The following PPIB variants were observed in gnomAD, a reference collection of about 807,000 sequenced individuals.
PPIB encodes peptidyl-prolyl cis-trans isomerase B.
A neutral mutation model predicts 20.1 loss-of-function variants in PPIB; 15 were observed. The ratio of observed to expected loss-of-function variants is 0.75; its 90% confidence interval spans 0.50 to 1.15. The LOEUF (loss-of-function observed/expected upper bound fraction) is 1.15, where lower values mean the gene tolerates loss of function less well. Ranked by LOEUF, PPIB falls within the 50% of genes most tolerant of loss-of-function variation. PPIB has a pLI of 0.00. For missense variants in PPIB, 278 were observed against 283.0 expected (o/e 0.98, Z 0.13); for synonymous variants, 129 against 111.0 (o/e 1.16, Z -1.02).
rs751075971 is a variant in PPIB, at chr15:64,156,177, G to A, written c.529-32C>T. 3.7e-6 allele frequency: 6 copies of A among 1,613,212 alleles called. No individual in the cohort carries two copies. In the South Asian group the frequency reaches 6.6e-5, roughly 18 times the overall value. On this transcript the variant is annotated intron_variant, in intron 4 of 4. Transcript: ENST00000300026. This position sits in a 1 kb window ranked among gnomAD's most constrained non-coding sequence, Gnocchi z 6.4. ...AAGAAAGGTGGAAGCAGGAGGGCAT[G>A]GTGGATCAGGAGGTCCACCGCTCAG...
At position 64,162,145 on chromosome 15, in the gene PPIB, C is replaced by G; in HGVS notation, c.145G>C (p.Asp49His). Residue 49 changes from aspartate to histidine, a missense_variant, in exon 2 of 5, where the codon GAC becomes CAC. Coordinates refer to ENST00000300026, the MANE Select transcript of PPIB (RefSeq NM_000942.5). ...GPKVTVKVYF[D>H]LRIGDEDVGR... ...ACATCTTCATCTCCAATTCGTAGGTCAAAATACACCTGAGGAAAGAGACCA... is the reference window on the plus strand; with the variant it reads ...ACATCTTCATCTCCAATTCGTAGGTGAAAATACACCTGAGGAAAGAGACCA... 1.2e-6 allele frequency: 2 copies of G among 1,611,472 alleles called. No homozygotes were observed. The highest frequency in any genetic ancestry group is 1.7e-6 in the Non-Finnish European group (2 of 1,177,602).
Position 64,161,281 on chromosome 15 carries a change from AT to A in PPIB, c.249+759del, listed in dbSNP as rs1422376144. Among the ~76,000 whole-genome samples, 20 of 146,442 alleles carry A rather than the reference AT, an allele frequency of 1.4e-4. No individual in the cohort carries two copies. Among genetic ancestry groups the A allele is most frequent in the African/African-American group, 3.3e-4 (13 of 39,666 alleles). Reference sequence around the variant, plus strand: ...CCGGCCTTTTATTTTTAATTAATTTATTTTTTTTTTGAGACAGGGTCTCACT... The same window carrying A: ...CCGGCCTTTTATTTTTAATTAATTTATTTTTTTTTGAGACAGGGTCTCACT... On this transcript the variant is annotated intron_variant, in intron 2 of 4. Transcript: ENST00000300026. This position sits in a 1 kb window ranked among gnomAD's most constrained non-coding sequence, Gnocchi z 4.2.
rs1388136821 is a variant in PPIB, at chr15:64,160,668, C to A, written c.250-471G>T. On this transcript the variant is annotated intron_variant, in intron 2 of 4. Transcript: ENST00000300026. This position sits in a 1 kb window ranked among gnomAD's most constrained non-coding sequence, Gnocchi z 4.8. ...AAATTTTATTATTATTTTTTTGAGA[C>A]AGAGTTTCTCTCTTGTCACCCAGGC... is the stretch of plus-strand genomic sequence containing the variant. 2.6e-5 allele frequency among the ~76,000 whole-genome samples: 4 copies of A among 152,138 alleles called. No individual in the cohort carries two copies. Among genetic ancestry groups the A allele is most frequent in the Admixed American group, 6.5e-5 (1 of 15,274 alleles).
Position 64,156,132 on chromosome 15 carries a change from T to A in PPIB, c.542A>T (p.Lys181Met), listed in dbSNP as rs2081529196. The A allele has an allele frequency of 7.4e-6, 12 of 1,614,180 alleles. No homozygotes were observed. The highest frequency in any genetic ancestry group is 1.0e-5 in the Non-Finnish European group (12 of 1,180,040). The change falls in exon 5 of 5, where the codon AAG becomes ATG. Residue 181 changes from lysine (K) to methionine (M), a missense_variant. Coordinates refer to ENST00000300026, the MANE Select transcript of PPIB (RefSeq NM_000942.5). This position sits in a 1 kb window ranked among gnomAD's most constrained non-coding sequence, Gnocchi z 6.4. ...KVLEGMEVVR[K>M]VESTKTDSRD... The stretch of plus-strand genomic sequence containing the variant: ...GCTGTCTGTCTTGGTGCTCTCCACC[T>A]TCCGCACCACCTCCTGGAAAAGAAA...
chr15:64,162,854 TG>T lies in PPIB; in HGVS notation c.132del (p.Lys45ArgfsTer13). The T allele has an allele frequency of 6.2e-7, 1 of 1,610,944 alleles. No individual in the cohort carries two copies. Among genetic ancestry groups the T allele is most frequent in the Non-Finnish European group, 8.5e-7 (1 of 1,178,922 alleles). Reference sequence around the variant, plus strand: ...AAATGCCGCGGACTCCACCGGACCTTGACGGTGACTTTGGGCCCCTTCTTCT... The same window carrying T: ...AAATGCCGCGGACTCCACCGGACCTTACGGTGACTTTGGGCCCCTTCTTCT... ...DEKKKGPKVTVKVYFDLRIGD... is the reference protein window; with the variant it reads ...DEKKKGPKVTXKVYFDLRIGD... On this transcript the variant is annotated frameshift_variant, in exon 1 of 5. Coordinates refer to ENST00000300026, the MANE Select transcript of PPIB (RefSeq NM_000942.5). LOFTEE classifies it high-confidence loss of function.
chr15:64,156,268 T>C lies in PPIB; in HGVS notation c.529-123A>G, dbSNP rs1402301603. The stretch of plus-strand genomic sequence containing the variant: ...ACAAGTGATCAACAGCACACAAAAC[T>C]GGAGGCACCAAAATTCTAACAGACT... On this transcript the variant is annotated intron_variant, in intron 4 of 4. Coordinates refer to ENST00000300026, the MANE Select transcript of PPIB (RefSeq NM_000942.5). The surrounding 1 kb of genome is among the most constrained non-coding windows in gnomAD (Gnocchi z 6.4). The C allele has an allele frequency of 2.7e-5, 34 of 1,266,652 alleles. No homozygotes were observed. The highest frequency in any genetic ancestry group is 3.7e-5 in the Non-Finnish European group (33 of 890,564). 78.5% of individuals were successfully genotyped at this position (1,266,652 alleles called of 1,614,324 possible).
Position 64,161,721 on chromosome 15 carries a change from G to A in PPIB, c.249+320C>T, listed in dbSNP as rs1322366408. ...GCCCAGGCGACAAGAGTGAAACTCC[G>A]TCTCAAAAAAAAAAAAAAATTTGCG... On this transcript the variant is annotated intron_variant, in intron 2 of 4. Coordinates refer to ENST00000300026, the MANE Select transcript of PPIB (RefSeq NM_000942.5). This position sits in a 1 kb window ranked among gnomAD's most constrained non-coding sequence, Gnocchi z 4.2. Among the ~76,000 whole-genome samples the A allele has an allele frequency of 2.0e-5, 3 of 149,246 alleles. No individual in the cohort carries two copies. The highest frequency in any genetic ancestry group is 4.9e-5 in the African/African-American group (2 of 40,656).
At position 64,161,777 on chromosome 15, in the gene PPIB, C is replaced by CA. The variant is rs936603750; in HGVS notation, c.249+263dup. Among the ~76,000 whole-genome samples the CA allele has an allele frequency of 6.6e-6, 1 of 152,030 alleles. No homozygotes were observed. The highest frequency in any genetic ancestry group is 2.4e-5 in the African/African-American group (1 of 41,430). ...AGAGACAGGGTCTTGCTATGTTGCT[C>CA]AGGTTGGCCTTGAACTCCTGGGCTC... is the stretch of plus-strand genomic sequence containing the variant. On this transcript the variant is annotated intron_variant, in intron 2 of 4. Coordinates refer to ENST00000300026, the MANE Select transcript of PPIB (RefSeq NM_000942.5). The surrounding 1 kb of genome is among the most constrained non-coding windows in gnomAD (Gnocchi z 4.2).
rs984563817 is a variant in PPIB, at chr15:64,161,336, T to A, written c.249+705A>T. On this transcript the variant is annotated intron_variant, in intron 2 of 4. Transcript: ENST00000300026. This position sits in a 1 kb window ranked among gnomAD's most constrained non-coding sequence, Gnocchi z 4.2. ...TTGCTCAGGCTGGAGTGCAGTGGCATGAACATGGCTCACTGCAACCTCCAT... is the reference window on the plus strand; with the variant it reads ...TTGCTCAGGCTGGAGTGCAGTGGCAAGAACATGGCTCACTGCAACCTCCAT... 1.3e-5 allele frequency among the ~76,000 whole-genome samples: 2 copies of A among 151,906 alleles called. No homozygotes were observed. Among genetic ancestry groups the A allele is most frequent in the African/African-American group, 4.8e-5 (2 of 41,334 alleles).
In PPIB at chr15:64,162,073, C is replaced by A; in HGVS notation, c.217G>T (p.Val73Leu). The A allele has an allele frequency of 6.2e-7, 1 of 1,614,056 alleles. No individual in the cohort carries two copies. Among genetic ancestry groups the A allele is most frequent in the Non-Finnish European group, 8.5e-7 (1 of 1,179,914 alleles). The stretch of plus-strand genomic sequence containing the variant: ...GTAGCTAAGGCCACAAAATTATCCA[C>A]TGTTTTTGGAACAGTCTTTCCGAAG... ...GLFGKTVPKT[V>L]DNFVALATGE... is the part of the protein sequence containing the mutation. Residue 73 changes from valine to leucine, a missense_variant, in exon 2 of 5, where the codon GTG (valine) becomes TTG (leucine). By Grantham distance (32) the Val-to-Leu change is conservative (BLOSUM62 1). Coordinates refer to ENST00000300026, the MANE Select transcript of PPIB (RefSeq NM_000942.5).
rs8032139 is a variant in PPIB at position 64,157,316 on chromosome 15, C to T, written c.344-407G>A. 0.015 allele frequency: 3,328 copies of T among 221,540 alleles called. 129 individuals are homozygous for T. Among genetic ancestry groups the T allele is most frequent in the African/African-American group, 0.071 (3,143 of 44,246 alleles). The allele number at this position is 221,540 out of a possible 1,614,324, so 13.7% of individuals were successfully genotyped here. A position where few individuals can be genotyped will look rare whatever the true frequency, so the allele number is the denominator to read the frequency against. Reference sequence around the variant, plus strand: ...AGAAAAGGAGGACTGCTGTGGCTGACCAGCCTGTTTTCCTATGAGCACAAA... The same window carrying T: ...AGAAAAGGAGGACTGCTGTGGCTGATCAGCCTGTTTTCCTATGAGCACAAA... On this transcript the variant is annotated intron_variant, in intron 3 of 4. Transcript: ENST00000300026. The surrounding 1 kb of genome is among the most constrained non-coding windows in gnomAD (Gnocchi z 4.2).
chr15:64,161,849 G>A lies in PPIB; in HGVS notation c.249+192C>T, dbSNP rs1344600707. ...CTCCAAAAGTGCTGGGATTTTAAGT[G>A]TGAGCCACTGTGCCTGGTCAGGGCC... On this transcript the variant is annotated intron_variant, in intron 2 of 4. Transcript: ENST00000300026. The surrounding 1 kb of genome is among the most constrained non-coding windows in gnomAD (Gnocchi z 4.2). Among the ~76,000 whole-genome samples the A allele has an allele frequency of 1.3e-5, 2 of 152,134 alleles. No individual in the cohort carries two copies. The highest frequency in any genetic ancestry group is 4.8e-5 in the African/African-American group (2 of 41,422).
rs749452493 is a variant in PPIB, at chr15:64,156,931, G to A, written c.344-22C>T. The A allele has an allele frequency of 4.3e-6, 7 of 1,613,068 alleles. No individual in the cohort carries two copies. Among genetic ancestry groups the A allele is most frequent in the South Asian group, 1.1e-5 (1 of 91,038 alleles). The stretch of plus-strand genomic sequence containing the variant: ...TTTCCTGGGAAAAAAGACAGAGCAG[G>A]TCAGGGGCGCTGGATTGCGCCAAAC... On this transcript the variant is annotated intron_variant, in intron 3 of 4. Transcript: ENST00000300026. This position sits in a 1 kb window ranked among gnomAD's most constrained non-coding sequence, Gnocchi z 6.4.
rs926640587 is a variant in PPIB at position 64,161,111 on chromosome 15, C to T, written c.250-914G>A. Among the ~76,000 whole-genome samples the T allele has an allele frequency of 1.3e-5, 2 of 151,698 alleles. No individual in the cohort carries two copies. Among genetic ancestry groups the T allele is most frequent in the East Asian group, 1.9e-4 (1 of 5,138 alleles). On this transcript the variant is annotated intron_variant, in intron 2 of 4. Coordinates refer to ENST00000300026, the MANE Select transcript of PPIB (RefSeq NM_000942.5). The surrounding 1 kb of genome is among the most constrained non-coding windows in gnomAD (Gnocchi z 4.2). Reference sequence around the variant, plus strand: ...AAGTAGCTGGAATTACAGGCGCCTACCACTACACCTGGCTAATTTTTTGTA... The same window carrying T: ...AAGTAGCTGGAATTACAGGCGCCTATCACTACACCTGGCTAATTTTTTGTA...
In PPIB at chr15:64,156,181, G is replaced by T. The variant is rs1360400083; in HGVS notation, c.529-36C>A. The T allele has an allele frequency of 6.2e-7, 1 of 1,613,060 alleles. No homozygotes were observed. The highest frequency in any genetic ancestry group is 8.5e-7 in the Non-Finnish European group (1 of 1,179,658). On this transcript the variant is annotated intron_variant, in intron 4 of 4. Transcript: ENST00000300026. The surrounding 1 kb of genome is among the most constrained non-coding windows in gnomAD (Gnocchi z 6.4). ...AAGGTGGAAGCAGGAGGGCATGGTG[G>T]ATCAGGAGGTCCACCGCTCAGGAGA... is the stretch of plus-strand genomic sequence containing the variant.
chr15:64,157,091 A>ATGCCCCACTT lies in PPIB; in HGVS notation c.344-183_344-182insAAGTGGGGCA. The ATGCCCCACTT allele has an allele frequency of 1.5e-6, 1 of 646,776 alleles. No individual in the cohort carries two copies. The highest frequency in any genetic ancestry group is 2.6e-6 in the Non-Finnish European group (1 of 378,022). The allele number at this position is 646,776 out of a possible 1,614,324, so 40.1% of individuals were successfully genotyped here. A position where few individuals can be genotyped will look rare whatever the true frequency, so the allele number is the denominator to read the frequency against. ...CCTCAGAGCCAAGCCATGCTGACTG[A>ATGCCCCACTT]GGCCAAGTGGGGCATCAGGCCAGGC... On this transcript the variant is annotated intron_variant, in intron 3 of 4. Transcript: ENST00000300026. This position sits in a 1 kb window ranked among gnomAD's most constrained non-coding sequence, Gnocchi z 4.2.
Position 64,156,534 on chromosome 15 carries a change from G to A in PPIB, c.528+191C>T. ...TGTGCAGCCTTCCTGGCTGGGCTCT[G>A]AGGGGGCTGGAAGAATTTAGAACCT... On this transcript the variant is annotated intron_variant, in intron 4 of 4. Coordinates refer to ENST00000300026, the MANE Select transcript of PPIB (RefSeq NM_000942.5). The surrounding 1 kb of genome is among the most constrained non-coding windows in gnomAD (Gnocchi z 6.4). 1.3e-6 allele frequency: 1 copy of A among 756,532 alleles called. No homozygotes were observed. The highest frequency in any genetic ancestry group is 2.2e-6 in the Non-Finnish European group (1 of 444,996). The allele number at this position is 756,532 out of a possible 1,614,324, so 46.9% of individuals were successfully genotyped here.
In PPIB at chr15:64,160,128, AG is replaced by A; in HGVS notation, c.318del (p.Phe107SerfsTer24). On this transcript the variant is annotated frameshift_variant, in exon 3 of 5. Coordinates refer to ENST00000300026, the MANE Select transcript of PPIB (RefSeq NM_000942.5). LOFTEE classifies it high-confidence loss of function. The surrounding 1 kb of genome is among the most constrained non-coding windows in gnomAD (Gnocchi z 4.8). ...CCTCCTGTGCCATCTCCCCTGGTGA[AG>A]TCTCCGCCCTGGATCATGAAGTCCT... ...VIKDFMIQGGDFTRGDGTGGK... is the reference protein window; with the variant it reads ...VIKDFMIQGGXFTRGDGTGGK... The A allele has an allele frequency of 1.2e-6, 2 of 1,614,024 alleles. No individual in the cohort carries two copies. Among genetic ancestry groups the A allele is most frequent in the Non-Finnish European group, 1.7e-6 (2 of 1,179,848 alleles).
At chr15:64,162,299 T>C in intron 1 of PPIB, 145 bp from the exon 2 acceptor site, 1 of 726,468 alleles carries the variant, frequency 1.4e-6, no homozygotes, top group Non-Finnish European at 2.5e-6. Flanking sequence ...TTGGTGACGG[T>C]AAAAATCCTA....
Sources: gnomAD v4.1 joint callset for allele counts (sites outside exome capture counted in the v4.1 genomes callset) on GRCh38, gnomAD v4.1.1 for gene constraint, Gnocchi (gnomAD v3.1) non-coding constraint, MANE v1.5 for transcripts, NCBI Gene and HGNC (gene_info 2026-07-23, HGNC 2026-07-21) for gene names.